DRC5: variants seen among roughly 807,000 people sequenced by gnomAD.
The protein encoded by DRC5 is dynein regulatory complex subunit 5, also known as T-complex-associated testis-expressed protein 1.
At chr6:44,282,600 G>T in the DRC5 span, 6 of 1,524,120 alleles carry the variant, frequency 3.9e-6, no homozygotes, top group South Asian at 1.2e-5. Flanking sequence ...GCCAGCCAGG[G>T]ATAATCAGCC....
the DRC5 span, among the ~76,000 whole-genome samples, chr6:44,281,392 A>T: frequency 6.6e-6 from 1 of 150,570 alleles, no homozygotes; most frequent in Non-Finnish European, 1.5e-5. Flanking sequence ...TGTAAATTGC[A>T]TTTTTTTTTT....
chr6:44,288,063 C>A, the DRC5 span: 2 of 443,986 alleles, frequency 4.5e-6, no homozygotes, highest in Non-Finnish European at 7.9e-6. Context: ...GGGCAAGTTA[C>A]TGAACCTCTC....
At chr6:44,285,963 C>A in the DRC5 span, 2 of 1,611,666 alleles carry the variant, frequency 1.2e-6, no homozygotes, top group Non-Finnish European at 1.7e-6. Context: ...GCAGACAGTA[C>A]CTTGAGGGTG....
At chr6:44,282,799 C>CTTTTTTTTT in the DRC5 span, among the ~76,000 whole-genome samples, 14 of 105,232 alleles carry the variant, frequency 1.3e-4, no homozygotes, top group East Asian at 2.8e-4. Flanking sequence ...CCTTTTTTAT[C>CTTTTTTTTT]TTTTTTTTTT....
the DRC5 span, among the ~76,000 whole-genome samples, chr6:44,295,312 G>T: frequency 6.6e-6 from 1 of 152,170 alleles, no homozygotes; most frequent in Non-Finnish European, 1.5e-5. Context: ...GGAGAGTGGG[G>T]ACACGTGCAG....
the DRC5 span, among the ~76,000 whole-genome samples, chr6:44,292,845 T>C: frequency 4.6e-5 from 7 of 152,112 alleles, no homozygotes; most frequent in South Asian, 2.1e-4. Context: ...AAACGATAGA[T>C]AGACAGAGAC....
At chr6:44,288,378 A>G in the DRC5 span, among the ~76,000 whole-genome samples, 2 of 152,156 alleles carry the variant, frequency 1.3e-5, no homozygotes, top group African/African-American at 4.8e-5. Context: ...ACTGAAGCAG[A>G]GAGGCTAATT....
the DRC5 span, among the ~76,000 whole-genome samples, chr6:44,290,745 C>T: frequency 2.0e-5 from 3 of 152,210 alleles, no homozygotes; most frequent in Non-Finnish European, 2.9e-5. Flanking sequence ...GGGGGAGCCC[C>T]AGGTTGCTGG....
At chr6:44,289,598 G>C in the DRC5 span, among the ~76,000 whole-genome samples, 1 of 152,044 alleles carries the variant, frequency 6.6e-6, no homozygotes, top group African/African-American at 2.4e-5. Flanking sequence ...TTCCCACTGA[G>C]AGCTCAAACT....
At chr6:44,293,811 T>A in the DRC5 span, among the ~76,000 whole-genome samples, 10 of 152,220 alleles carry the variant, frequency 6.6e-5, no homozygotes, top group Non-Finnish European at 2.9e-5. Context: ...ACAGTCTTCA[T>A]CCCTGTTAGG....
chr6:44,279,904 G>A, the DRC5 span: 1 of 345,116 alleles, frequency 2.9e-6, no homozygotes, highest in East Asian at 5.2e-5. Context: ...ACACCTCTCT[G>A]ACTTCCCTGT....
chr6:44,282,952 G>A, the DRC5 span, among the ~76,000 whole-genome samples: 1 of 151,880 alleles, frequency 6.6e-6, no homozygotes, highest in Non-Finnish European at 1.5e-5. Context: ...ACAAGTGCCC[G>A]CCACCACGCC....
chr6:44,287,746 C>T, the DRC5 span: 1 of 1,614,112 alleles, frequency 6.2e-7, no homozygotes, highest in South Asian at 1.1e-5. Flanking sequence ...AGTGTGTCCT[C>T]CAGTGGAGGA....
chr6:44,282,608 G>T, the DRC5 span: 3 of 1,509,210 alleles, frequency 2.0e-6, no homozygotes, highest in Non-Finnish European at 2.7e-6. Flanking sequence ...GGGATAATCA[G>T]CCTGCCCACC....
the DRC5 span, among the ~76,000 whole-genome samples, chr6:44,295,752 G>A: frequency 2.6e-5 from 4 of 152,196 alleles, no homozygotes; most frequent in South Asian, 6.2e-4. Flanking sequence ...CTCAGGAGTT[G>A]TGCTGCTGCC....
At chr6:44,287,700 G>T in the DRC5 span, 9 of 1,614,102 alleles carry the variant, frequency 5.6e-6, no homozygotes, top group Admixed American at 6.7e-5. Context: ...GGACTGGTGT[G>T]ATTGAAGGCT....
At chr6:44,278,961 G>T in the DRC5 span, 1 of 152,124 alleles carries the variant, frequency 6.6e-6, no homozygotes, top group African/African-American at 2.4e-5. Flanking sequence ...ACTCTAGGTT[G>T]CCTAGACAGG....
chr6:44,286,626 A>G, the DRC5 span: 1 of 1,141,646 alleles, frequency 8.8e-7, no homozygotes, highest in East Asian at 2.4e-5. Context: ...AGCACCAGGC[A>G]AAGGAGAGAC....
the DRC5 span, chr6:44,286,230 C>T: frequency 1.2e-6 from 2 of 1,611,926 alleles, no homozygotes; most frequent in East Asian, 2.2e-5. Flanking sequence ...AGGAACTGAT[C>T]GACGTGGACC....
Sources: gnomAD v4.1 joint callset for allele counts (sites outside exome capture counted in the v4.1 genomes callset) on GRCh38, gnomAD v4.1.1 for gene constraint, MANE v1.5 for transcripts, NCBI Gene and HGNC (gene_info 2026-07-23, HGNC 2026-07-21) for gene names.